KLHL2: variants seen among roughly 807,000 people sequenced by gnomAD.
KLHL2 encodes the protein kelch-like protein 2.
Under a neutral mutation model 75.8 loss-of-function variants are expected in KLHL2, and 15 were observed. The ratio of observed to expected loss-of-function variants is 0.20; its 90% CI spans 0.13 to 0.30. KLHL2 has a LOEUF of 0.30. Among genes scored for constraint, KLHL2 ranks in the 10% least tolerant of loss-of-function variants. The pLI is 1.00. For synonymous variants in KLHL2, 214 were observed against 251.9 expected (o/e 0.85, Z 1.42); for missense variants, 381 against 741.0 (o/e 0.51, Z 5.64).
intron 14 of KLHL2, 130 bp from the exon 15 acceptor site, chr4:165,321,898 TTAAG>T (rs1747011509): frequency 1.2e-6 from 1 of 808,940 alleles, no homozygotes; most frequent in African/African-American, 1.7e-5. Context: ...CTACTAAAGT[TTAAG>T]AAAGAGATTC....
intron 2 of KLHL2, 128 bp from the exon 3 acceptor site, chr4:165,228,679 A>G: frequency 1.7e-6 from 1 of 600,054 alleles, no homozygotes; most frequent in Non-Finnish European, 3.1e-6. Context: ...CATGTCCCAA[A>G]GGATGGCTGT....
intron 5 of KLHL2, among the ~76,000 whole-genome samples, chr4:165,289,182 G>T (rs1379632881): frequency 6.6e-6 from 1 of 152,088 alleles, no homozygotes; most frequent in East Asian, 1.9e-4. Context: ...TAGAACACTT[G>T]AAGAAATATA....
In KLHL2 at chr4:165,213,697, C is replaced by T. The variant is rs184406807; in HGVS notation, c.26+5795C>T. The stretch of plus-strand genomic sequence containing the variant: ...TCTCAATTCAGCCTTCCTAATGTTT[C>T]TTACCCTTCTTAGTACATGGCATGC... On this transcript the variant is annotated intron_variant, in intron 1 of 14. Coordinates refer to ENST00000226725, the MANE Select transcript of KLHL2 (RefSeq NM_007246.4). Among the ~76,000 whole-genome samples, 389 of 152,286 alleles carry T rather than the reference C, an allele frequency of 2.6e-3. 2 individuals are homozygous for T. The highest frequency in any genetic ancestry group is 9.1e-3 in the African/African-American group (379 of 41,558).
At chr4:165,261,008 A>T (rs1014628419) in intron 4 of KLHL2, among the ~76,000 whole-genome samples, 1 of 152,208 alleles carries the variant, frequency 6.6e-6, no homozygotes, top group African/African-American at 2.4e-5. Context: ...CAATTTAAGT[A>T]TTATACTGTT....
At chr4:165,232,426 CAAA>C (rs1314917182) in intron 3 of KLHL2, among the ~76,000 whole-genome samples, 8 of 81,406 alleles carry the variant, frequency 9.8e-5, no homozygotes, top group Admixed American at 2.9e-4. Context: ...GACTCTGTCT[CAAA>C]AAAAAAAAAA....
At chr4:165,285,116 A>G (rs986411091) in intron 5 of KLHL2, among the ~76,000 whole-genome samples, 4 of 152,208 alleles carry the variant, frequency 2.6e-5, no homozygotes, top group Non-Finnish European at 4.4e-5. Flanking sequence ...GGATGATATG[A>G]CTGTCTTGCC....
chr4:165,222,569 A>G (rs1173517358), intron 2 of KLHL2, among the ~76,000 whole-genome samples: 1 of 152,132 alleles, frequency 6.6e-6, no homozygotes, highest in African/African-American at 2.4e-5. Context: ...TGTTTTAATG[A>G]AAGTGCCAAC....
intron 5 of KLHL2, among the ~76,000 whole-genome samples, chr4:165,292,208 A>G (rs372670516): frequency 1.3e-5 from 2 of 152,214 alleles, no homozygotes; most frequent in Admixed American, 1.3e-4. Flanking sequence ...TTTCAGTGCA[A>G]TACCTTGCTT....
chr4:165,294,577 G>T, intron 6 of KLHL2, 109 bp downstream of exon 6: 1 of 509,660 alleles, frequency 2.0e-6, no homozygotes. Flanking sequence ...GACAGCCAGT[G>T]ATGTTTCAAC....
chr4:165,282,630 A>C lies in KLHL2; in HGVS notation c.545-11729A>C, dbSNP rs180715223. 1.0e-3 allele frequency among the ~76,000 whole-genome samples: 159 copies of C among 152,100 alleles called. 1 individual carries two copies. Among genetic ancestry groups the C allele is most frequent in the African/African-American group, 3.7e-3 (153 of 41,456 alleles). On this transcript the variant is annotated intron_variant, in intron 5 of 14. Coordinates refer to ENST00000226725, the MANE Select transcript of KLHL2 (RefSeq NM_007246.4). ...ATCATGTTGTGCAAGCAGTGGTTGA[A>C]GGACATAGGACTGTACAGACCATTG...
At chr4:165,210,456 C>CT (rs1398649337) in intron 1 of KLHL2, among the ~76,000 whole-genome samples, 3 of 152,092 alleles carry the variant, frequency 2.0e-5, no homozygotes, top group African/African-American at 7.2e-5. Context: ...AACTTTCATC[C>CT]TTTTTAATTC....
At position 165,207,867 on chromosome 4, in the gene KLHL2, A is replaced by T; in HGVS notation, c.-10A>T. ...CGGTGCCTGCGTTCTGAAGCCCGAG[A>T]GGAGCCACAATGGAGACGCCGCCGC... On this transcript the variant is annotated 5_prime_UTR_variant, in exon 1 of 15. Coordinates refer to ENST00000226725, the MANE Select transcript of KLHL2 (RefSeq NM_007246.4). The surrounding 1 kb of genome is among the most constrained non-coding windows in gnomAD (Gnocchi z 4.2). 1 of 1,450,556 alleles carries T rather than the reference A, an allele frequency of 6.9e-7. No individual in the cohort carries two copies. The allele number at this position is 1,450,556 out of a possible 1,614,324, so 89.9% of individuals were successfully genotyped here.
chr4:165,212,898 T>C (rs1263728127), intron 1 of KLHL2, among the ~76,000 whole-genome samples: 2 of 152,210 alleles, frequency 1.3e-5, no homozygotes, highest in Non-Finnish European at 2.9e-5. Flanking sequence ...GCTCCATCTA[T>C]ATCTTAAGTC....
At chr4:165,277,347 A>C (rs1743207530) in intron 5 of KLHL2, among the ~76,000 whole-genome samples, 1 of 152,238 alleles carries the variant, frequency 6.6e-6, no homozygotes, top group African/African-American at 2.4e-5. Context: ...GACCATGGAA[A>C]ATATTGGAAG....
rs1736928032 is a variant in KLHL2, at chr4:165,207,812, C to G, written c.-65C>G. 2 of 1,383,638 alleles carry G rather than the reference C, an allele frequency of 1.4e-6. No individual in the cohort carries two copies. The highest frequency in any genetic ancestry group is 2.7e-5 in the South Asian group (2 of 73,072). 85.7% of individuals were successfully genotyped at this position (1,383,638 alleles called of 1,614,324 possible). On this transcript the variant is annotated 5_prime_UTR_variant, in exon 1 of 15. Transcript: ENST00000226725. The surrounding 1 kb of genome is among the most constrained non-coding windows in gnomAD (Gnocchi z 4.2). ...TCGGCGGGCGGGCAGTGCCGGCGTCCGCGGCTGGAATGGTGCTGGCTGTGT... is the reference window on the plus strand; with the variant it reads ...TCGGCGGGCGGGCAGTGCCGGCGTCGGCGGCTGGAATGGTGCTGGCTGTGT...
chr4:165,250,087 GC>G (rs1740580871), intron 4 of KLHL2, among the ~76,000 whole-genome samples: 1 of 151,390 alleles, frequency 6.6e-6, no homozygotes, highest in Non-Finnish European at 1.5e-5. Context: ...TCACCCCACT[GC>G]ACTCCAGCCT....
chr4:165,316,070 C>A (rs1489010308), intron 13 of KLHL2, among the ~76,000 whole-genome samples: 1 of 152,140 alleles, frequency 6.6e-6, no homozygotes, highest in Non-Finnish European at 1.5e-5. Flanking sequence ...AAGGTGCATC[C>A]TTTTGGCAAA....
chr4:165,264,741 T>TAC (rs1491515603), intron 5 of KLHL2, among the ~76,000 whole-genome samples: 2 of 33,578 alleles, frequency 6.0e-5, no homozygotes, highest in African/African-American at 8.4e-5. Context: ...TATATATATG[T>TAC]ATATATATAT....
chr4:165,228,239 C>T (rs1270253315), intron 2 of KLHL2, among the ~76,000 whole-genome samples: 2 of 152,218 alleles, frequency 1.3e-5, no homozygotes, highest in African/African-American at 4.8e-5. Context: ...ATTTTCTGGC[C>T]TTGAAGGATG....
Sources: gnomAD v4.1 joint callset for allele counts (sites outside exome capture counted in the v4.1 genomes callset) on GRCh38, gnomAD v4.1.1 for gene constraint, Gnocchi (gnomAD v3.1) non-coding constraint, MANE v1.5 for transcripts, NCBI Gene and HGNC (gene_info 2026-07-23, HGNC 2026-07-21) for gene names.